POM121: variants seen among roughly 807,000 people sequenced by gnomAD.
POM121 encodes the protein POM121 transmembrane nucleoporin.
A neutral mutation model predicts 81.3 loss-of-function variants in POM121; 32 were observed. The ratio of observed to expected loss-of-function variants is 0.39; its 90% confidence interval spans 0.30 to 0.53. The LOEUF (loss-of-function observed/expected upper bound fraction) is 0.53, where lower values mean the gene tolerates loss of function less well. Ranked by LOEUF, POM121 falls within the 20% of genes least tolerant of loss-of-function variation. POM121 has a pLI of 0.66. For missense variants in POM121, 1,138 were observed against 1,614.6 expected (o/e 0.70, Z 5.06); for synonymous variants, 514 against 694.2 (o/e 0.74, Z 4.08).
chr7:72,887,775 C>T (rs539334083), intron 1 of POM121, among the ~76,000 whole-genome samples: 4 of 152,146 alleles, frequency 2.6e-5, no homozygotes, highest in Admixed American at 2.0e-4. Context: ...TGCAGTGAGC[C>T]GAGATTGTGC....
chr7:72,895,132 T>C (rs1258328461), intron 3 of POM121, among the ~76,000 whole-genome samples: 1 of 152,208 alleles, frequency 6.6e-6, no homozygotes, highest in Non-Finnish European at 1.5e-5. Flanking sequence ...CCGGCCTGTC[T>C]GTTCTGGACA....
At chr7:72,935,143 T>G (rs1796391268) in intron 5 of POM121, among the ~76,000 whole-genome samples, 1 of 152,036 alleles carries the variant, frequency 6.6e-6, no homozygotes, top group African/African-American at 2.4e-5. Flanking sequence ...CTTGTTTACT[T>G]CTAATCTATG....
chr7:72,908,397 C>T (rs1793482224), intron 3 of POM121, among the ~76,000 whole-genome samples: 1 of 152,126 alleles, frequency 6.6e-6, no homozygotes, highest in South Asian at 2.1e-4. Flanking sequence ...TCACAGAAAT[C>T]ACATGCTTCA....
intron 3 of POM121, among the ~76,000 whole-genome samples, chr7:72,897,411 C>T (rs1792075303): frequency 6.6e-6 from 1 of 152,162 alleles, no homozygotes; most frequent in Non-Finnish European, 1.5e-5. Flanking sequence ...GAGTGAAGTT[C>T]AGCAAAGGCA....
At position 72,926,251 on chromosome 7, in the gene POM121, A is replaced by T; in HGVS notation, c.645-11A>T. On this transcript the variant is annotated splice_polypyrimidine_tract_variant and intron_variant, in intron 1 of 12. Coordinates refer to ENST00000434423, the MANE Select transcript of POM121 (RefSeq NM_001387691.1). ...GCTTTGGTTCCGTGATTTGTCTCGC[A>T]TTCTCTGCAGGGATTGTGGGACTTT... The T allele has an allele frequency of 6.4e-7, 1 of 1,551,698 alleles. No individual in the cohort carries two copies. Among genetic ancestry groups the T allele is most frequent in the East Asian group, 2.4e-5 (1 of 41,026 alleles).
chr7:72,895,994 A>G (rs1430026962), intron 3 of POM121, among the ~76,000 whole-genome samples: 12 of 151,910 alleles, frequency 7.9e-5, no homozygotes, highest in African/African-American at 2.2e-4. Context: ...TGCTTAGCTC[A>G]TTAGAATGCC....
At chr7:72,891,988 C>T (rs1791343685) in intron 3 of POM121, among the ~76,000 whole-genome samples, 2 of 152,136 alleles carry the variant, frequency 1.3e-5, no homozygotes, top group Admixed American at 1.3e-4. Flanking sequence ...CTCAGCTTTC[C>T]CCTCTTTCCC....
At chr7:72,879,805 G>T in exon 1 of POM121, 3 of 501,162 alleles carry the variant, frequency 6.0e-6, no homozygotes, top group South Asian at 4.3e-5. Context: ...GGGACTTCGC[G>T]AGCAGACGCG....
intron 3 of POM121, among the ~76,000 whole-genome samples, chr7:72,899,815 G>A (rs1792410858): frequency 6.6e-6 from 1 of 151,856 alleles, no homozygotes; most frequent in South Asian, 2.1e-4. Flanking sequence ...TCCTGAACTC[G>A]TGATCCACCC....
At chr7:72,881,778 C>T (rs1312977943) in intron 1 of POM121, among the ~76,000 whole-genome samples, 5 of 151,810 alleles carry the variant, frequency 3.3e-5, no homozygotes, top group African/African-American at 7.3e-5. Flanking sequence ...TACAGGCGTG[C>T]GCCACCATGC....
chr7:72,939,732 G>T, intron 7 of POM121, 115 bp from the exon 8 acceptor site: 3 of 1,607,668 alleles, frequency 1.9e-6, no homozygotes, highest in Non-Finnish European at 2.5e-6. Flanking sequence ...ATAGAAGATT[G>T]AATCTTTTCA....
chr7:72,886,660 G>T (rs2129574579), intron 1 of POM121, among the ~76,000 whole-genome samples: 1 of 152,128 alleles, frequency 6.6e-6, no homozygotes, highest in Admixed American at 6.6e-5. Context: ...TCTTCATTGT[G>T]TCTTTGCTTT....
rs1554503014 is a variant in POM121 at position 72,945,649 on chromosome 7, G to T, written c.3593G>T (p.Ser1198Ile). The change falls in exon 12 of 13, where the codon AGC becomes ATC. Residue 1198 changes from serine to isoleucine, a missense_variant. Coordinates refer to ENST00000434423, the MANE Select transcript of POM121 (RefSeq NM_001387691.1). ...PAPGVGTSGS[S>I]LSFGASSAPA... ...CCTGGAGTGGGCACATCAGGCAGCA[G>T]CCTCTCCTTTGGGGCATCCTCAGCA... 1.2e-6 allele frequency: 2 copies of T among 1,613,084 alleles called. No individual in the cohort carries two copies. The highest frequency in any genetic ancestry group is 3.3e-5 in the Admixed American group (2 of 59,934).
upstream of POM121, among the ~76,000 whole-genome samples, chr7:72,922,381 A>C (rs1451247059): frequency 1.3e-5 from 2 of 151,946 alleles, no homozygotes; most frequent in African/African-American, 4.8e-5. Context: ...CTTTTCCCAT[A>C]TAGAAGTATT....
chr7:72,903,402 A>C (rs1792909994), intron 3 of POM121, among the ~76,000 whole-genome samples: 1 of 152,128 alleles, frequency 6.6e-6, no homozygotes. Context: ...ACACCACTGC[A>C]CTCCAGTCTG....
chr7:72,895,380 T>C (rs1791839466), intron 3 of POM121, among the ~76,000 whole-genome samples: 1 of 152,224 alleles, frequency 6.6e-6, no homozygotes. Flanking sequence ...CACTAAGGCA[T>C]GAAACTGACA....
intron 3 of POM121, among the ~76,000 whole-genome samples, chr7:72,912,872 G>A (rs1314261512): frequency 7.9e-5 from 12 of 152,088 alleles, no homozygotes; most frequent in Non-Finnish European, 1.8e-4. Flanking sequence ...CCAGCACGGC[G>A]GGTAATTCAG....
chr7:72,936,053 G>C (rs1796478259), intron 5 of POM121, among the ~76,000 whole-genome samples: 1 of 151,336 alleles, frequency 6.6e-6, no homozygotes, highest in Non-Finnish European at 1.5e-5. Flanking sequence ...TCCTTGTCTT[G>C]TTAGATCTGA....
intron 1 of POM121, among the ~76,000 whole-genome samples, chr7:72,887,853 C>CA (rs1790888190): frequency 6.6e-6 from 1 of 152,020 alleles, no homozygotes; most frequent in East Asian, 1.9e-4. Context: ...AAAACAAAAA[C>CA]AAAAAAACAA....
Sources: allele counts gnomAD v4.1 joint callset (sites outside exome capture counted in the v4.1 genomes callset), GRCh38; gene constraint gnomAD v4.1.1; transcripts MANE v1.5; gene names NCBI Gene and HGNC (gene_info 2026-07-23, HGNC 2026-07-21).